Variants in CYP4F12 observed in about 807,000 individuals in gnomAD.
The protein encoded by CYP4F12 is cytochrome P450 4F12.
CYP4F12 carries 60 observed loss-of-function variants against 56.5 expected under a neutral mutation model. That is an observed-to-expected ratio of 1.06 (90% confidence interval 0.86 to 1.32). The LOEUF is 1.32. Among genes scored for constraint, CYP4F12 ranks in the 40% most tolerant of loss-of-function variants. The pLI is 0.00. For synonymous variants in CYP4F12, 263 were observed against 264.9 expected, an observed-to-expected ratio of 0.99 and a Z score of 0.07; for missense variants, 711 against 683.5, an observed-to-expected ratio of 1.04 and a Z score of -0.45.
chr19:15,690,237 A>G (rs1009821072), intron 9 of CYP4F12, among the ~76,000 whole-genome samples: 2 of 152,314 alleles, frequency 1.3e-5, no homozygotes, highest in East Asian at 1.9e-4. Context: ...ATATATGTTT[A>G]TGGGGTGCAA....
rs593898 is a variant in CYP4F12, at chr19:15,695,857, G to C, written c.1116-79G>C. On this transcript the variant is annotated intron_variant, in intron 9 of 12. Transcript: ENST00000550308. The stretch of plus-strand genomic sequence containing the variant: ...GTTTATTTTGTGATAGGGAGAAAAG[G>C]TCTCATTTGCAAATAGAAAAGGTGG... 191 of 1,525,938 alleles carry C rather than the reference G, an allele frequency of 1.3e-4. 3 individuals carry two copies. The South Asian group carries it at 2.4e-3, about 19-fold the overall frequency. The allele number at this position is 1,525,938 out of a possible 1,614,324, so 94.5% of individuals were successfully genotyped here.
At chr19:15,687,179 A>G (rs765030050) in intron 9 of CYP4F12, among the ~76,000 whole-genome samples, 30 of 151,906 alleles carry the variant, frequency 2.0e-4, no homozygotes, top group Non-Finnish European at 3.7e-4. Flanking sequence ...CTGGAGGCTG[A>G]GGCAGGAGAA....
chr19:15,684,075 A>G (rs640169), intron 7 of CYP4F12: 3,983 of 183,642 alleles, frequency 0.022, 36 homozygotes, highest in African/African-American at 0.088. Context: ...GATGCACCAA[A>G]CCCCTGGATC....
At chr19:15,693,019 A>G (rs2007945095) in intron 9 of CYP4F12, among the ~76,000 whole-genome samples, 3 of 152,328 alleles carry the variant, frequency 2.0e-5, no homozygotes, top group South Asian at 4.1e-4. Context: ...TGGAGGTTGC[A>G]GTGAGACAAG....
chr19:15,695,827 G>A (rs1177109106), intron 9 of CYP4F12, 109 bp from the exon 10 acceptor site: 21 of 1,430,674 alleles, frequency 1.5e-5, no homozygotes, highest in Non-Finnish European at 1.9e-5. Context: ...TTTGATCCCC[G>A]TGGAGTTTAT....
Position 15,695,954 on chromosome 19 carries a change from G to T in CYP4F12, c.1134G>T (p.Leu378=). The T allele has an allele frequency of 6.2e-7, 1 of 1,613,500 alleles. No homozygotes were observed. Among genetic ancestry groups the T allele is most frequent in the Non-Finnish European group, 8.5e-7 (1 of 1,179,806 alleles). The change falls in exon 10 of 13, where the codon CTG becomes CTT. Residue 378 remains leucine, a synonymous_variant. Transcript: ENST00000550308. ...KEIEWDDLAQ[L]PFLTMCVKES... is the part of the protein sequence containing the mutation. Reference sequence around the variant, plus strand: ...TCCTTAGGGACGACCTGGCCCAGCTGCCCTTCCTGACCATGTGCGTGAAGG... The same window carrying T: ...TCCTTAGGGACGACCTGGCCCAGCTTCCCTTCCTGACCATGTGCGTGAAGG...
chr19:15,687,181 G>A (rs974021747), intron 9 of CYP4F12, among the ~76,000 whole-genome samples: 2 of 151,992 alleles, frequency 1.3e-5, no homozygotes, highest in Non-Finnish European at 2.9e-5. Flanking sequence ...GGAGGCTGAG[G>A]CAGGAGAATG....
intron 6 of CYP4F12, 80 bp from the exon 7 acceptor site, chr19:15,683,413 C>T: frequency 6.8e-7 from 1 of 1,461,264 alleles, no homozygotes; most frequent in Non-Finnish European, 9.2e-7. Flanking sequence ...TGGGAGGTAG[C>T]TCCTGGCTGC....
intron 9 of CYP4F12, among the ~76,000 whole-genome samples, chr19:15,693,050 C>A (rs76511230): frequency 6.6e-6 from 1 of 152,066 alleles, no homozygotes; most frequent in African/African-American, 2.4e-5. Context: ...TGCACTCCAG[C>A]CTGAGCAACA....
rs765776912 is a variant in CYP4F12 at position 15,685,181 on chromosome 19, C to A, written c.1099C>A (p.Pro367Thr). The A allele has an allele frequency of 6.2e-7, 1 of 1,614,018 alleles. No homozygotes were observed. The highest frequency in any genetic ancestry group is 2.2e-5 in the East Asian group (1 of 44,880). The stretch of plus-strand genomic sequence containing the variant: ...GCAAGAGCTTCTGAAGGACCGCGAT[C>A]CTAAAGAGATTGAATGGTGAGTGCA... ...EVQELLKDRD[P>T]KEIEWDDLAQ... Residue 367 changes from proline (P) to threonine (T), a missense_variant, in exon 9 of 13, where the codon CCT becomes ACT. Pro to Thr is a conservative substitution (Grantham distance 38). Transcript: ENST00000550308.
intron 2 of CYP4F12, among the ~76,000 whole-genome samples, chr19:15,675,860 A>G (rs1359059794): frequency 6.6e-6 from 1 of 152,186 alleles, no homozygotes; most frequent in African/African-American, 2.4e-5. Context: ...AGAAACAGAT[A>G]GGGTGTTTCT....
chr19:15,685,259 G>T, intron 9 of CYP4F12, 62 bp downstream of exon 9: 2 of 1,574,358 alleles, frequency 1.3e-6, no homozygotes, highest in Non-Finnish European at 1.7e-6. Context: ...CCCAAGTGAG[G>T]AGGGGTGGAG....
At chr19:15,683,125 G>C (rs1322024741) in intron 6 of CYP4F12, among the ~76,000 whole-genome samples, 17 of 151,454 alleles carry the variant, frequency 1.1e-4, no homozygotes, top group Non-Finnish European at 2.5e-4. Flanking sequence ...AGAGAGAGTT[G>C]GTTATGCTGG....
At chr19:15,687,121 T>C (rs1303615140) in intron 9 of CYP4F12, among the ~76,000 whole-genome samples, 4 of 151,936 alleles carry the variant, frequency 2.6e-5, no homozygotes, top group Non-Finnish European at 4.4e-5. Flanking sequence ...ACTAAAAGTA[T>C]AAAAAATTAG....
intron 9 of CYP4F12, among the ~76,000 whole-genome samples, chr19:15,687,500 A>G (rs929261023): frequency 1.2e-4 from 19 of 152,174 alleles, no homozygotes; most frequent in African/African-American, 4.6e-4. Flanking sequence ...GAAGGACAGA[A>G]TAGTGTGTAG....
chr19:15,691,413 G>C (rs1274608586), intron 9 of CYP4F12, among the ~76,000 whole-genome samples: 1 of 152,222 alleles, frequency 6.6e-6, no homozygotes, highest in African/African-American at 2.4e-5. Context: ...TTGTAATAAT[G>C]ATTGCAAATC....
At chr19:15,684,903 C>G (rs775356911) in intron 8 of CYP4F12, 21 bp downstream of exon 8, 1 of 1,591,786 alleles carries the variant, frequency 6.3e-7, no homozygotes, top group Non-Finnish European at 8.6e-7. Context: ...CAGTGTGGGA[C>G]TACAGTGGAG....
intron 2 of CYP4F12, among the ~76,000 whole-genome samples, chr19:15,676,102 C>A (rs1487954005): frequency 6.6e-6 from 1 of 152,108 alleles, no homozygotes; most frequent in South Asian, 2.1e-4. Context: ...GAAGAGAGAG[C>A]AAGTTCTTCC....
Position 15,673,695 on chromosome 19 carries a change from A to G in CYP4F12, c.166A>G (p.Lys56Glu). 8 of 1,614,028 alleles carry G rather than the reference A, an allele frequency of 5.0e-6. No homozygotes were observed. The highest frequency in any genetic ancestry group is 1.1e-5 in the South Asian group (1 of 91,058). The change falls in exon 2 of 13, where the codon AAA becomes GAA. Residue 56 changes from lysine (K) to glutamate (E), a missense_variant. Coordinates refer to ENST00000550308, the MANE Select transcript of CYP4F12 (RefSeq NM_023944.4). The part of the protein sequence containing the change: ...RRLQCFPQPP[K>E]RNWFWGHLGL... ...GCTCCAGTGTTTCCCACAGCCCCCA[A>G]AACGGAACTGGTTTTGGGGTCACCT...
Sources: gnomAD v4.1 joint callset for allele counts (sites outside exome capture counted in the v4.1 genomes callset) on GRCh38, gnomAD v4.1.1 for gene constraint, MANE v1.5 for transcripts, NCBI Gene and HGNC (gene_info 2026-07-23, HGNC 2026-07-21) for gene names.